Variants in SLC39A9 observed in about 807,000 individuals in gnomAD.
SLC39A9 encodes zinc transporter ZIP9.
Under a neutral mutation model 28.4 loss-of-function variants are expected in SLC39A9, and 14 were observed. That is an observed-to-expected ratio of 0.49 (90% CI 0.33 to 0.77). SLC39A9 has a LOEUF of 0.77. Ranked by LOEUF, SLC39A9 falls within the 30% of genes least tolerant of loss-of-function variation. The pLI is 0.02. For synonymous variants in SLC39A9, 119 were observed against 149.6 expected (o/e 0.80, Z 1.49); for missense variants, 283 against 381.1 (o/e 0.74, Z 2.14).
At chr14:69,452,030 C>T (rs1423471290) in intron 3 of SLC39A9, among the ~76,000 whole-genome samples, 1 of 151,962 alleles carries the variant, frequency 6.6e-6, no homozygotes, top group Non-Finnish European at 1.5e-5. Flanking sequence ...ATTTTTTATT[C>T]TTTCTTGAGG....
Position 69,461,441 on chromosome 14 carries a change from T to G in SLC39A9, c.*2848T>G. On this transcript the variant is annotated 3_prime_UTR_variant, in exon 7 of 7. Transcript: ENST00000336643. ...TTTTTTTTTAGCAAAGATTCTGCAC[T>G]GGAACGTAGACAGTTGGAAACAGTA... 1 of 1,321,306 alleles carries G rather than the reference T, an allele frequency of 7.6e-7. No homozygotes were observed. Among genetic ancestry groups the G allele is most frequent in the South Asian group, 1.9e-5 (1 of 51,298 alleles). The allele number at this position is 1,321,306 out of a possible 1,614,324, so 81.8% of individuals were successfully genotyped here.
chr14:69,404,000 G>A (rs745618446), intron 1 of SLC39A9, among the ~76,000 whole-genome samples: 3 of 152,054 alleles, frequency 2.0e-5, no homozygotes, highest in South Asian at 2.1e-4. Context: ...CCAACATTGC[G>A]CCATTGCACT....
At chr14:69,413,415 C>T (rs765364679) in intron 1 of SLC39A9, among the ~76,000 whole-genome samples, 19 of 151,974 alleles carry the variant, frequency 1.3e-4, no homozygotes, top group Non-Finnish European at 1.9e-4. Flanking sequence ...TTTAATTTTG[C>T]CATGTAAGGA....
At chr14:69,444,148 T>C (rs761553454) in intron 3 of SLC39A9, among the ~76,000 whole-genome samples, 45 of 152,034 alleles carry the variant, frequency 3.0e-4, no homozygotes, top group Admixed American at 3.9e-4. Flanking sequence ...ATCACACCAC[T>C]GCACTCCAGT....
At chr14:69,420,064 C>T (rs561256926) in intron 1 of SLC39A9, among the ~76,000 whole-genome samples, 34 of 152,058 alleles carry the variant, frequency 2.2e-4, no homozygotes, top group Non-Finnish European at 4.1e-4. Flanking sequence ...TTGCTTTGCC[C>T]GTTAGTTGGT....
In SLC39A9 at chr14:69,461,082, T is replaced by C; in HGVS notation, c.*2489T>C. On this transcript the variant is annotated 3_prime_UTR_variant, in exon 7 of 7. Transcript: ENST00000336643. ...TCTTTAGATGTGGATGCCTTAATGC[T>C]GTAACACATTTGAAAACATTGGCAA... The C allele has an allele frequency of 1.0e-6, 1 of 986,520 alleles. No homozygotes were observed. Among genetic ancestry groups the C allele is most frequent in the Non-Finnish European group, 1.2e-6 (1 of 830,714 alleles). 61.1% of individuals were successfully genotyped at this position (986,520 alleles called of 1,614,324 possible). A position where few individuals can be genotyped will look rare whatever the true frequency, so the allele number is the denominator to read the frequency against.
In SLC39A9 at chr14:69,461,692, T is replaced by C. The variant is rs781258128; in HGVS notation, c.*3099T>C. The C allele has an allele frequency of 2.6e-6, 4 of 1,535,998 alleles. 1 individual carries two copies. In the South Asian group the frequency reaches 3.6e-5, roughly 14 times the overall value. ...TGTCACTGCCTGGTTTTTCTCTTTT[T>C]CAAGGATTAGAACTAAGAGGACACA... On this transcript the variant is annotated 3_prime_UTR_variant, in exon 7 of 7. Transcript: ENST00000336643.
At chr14:69,419,679 G>C (rs892413467) in intron 1 of SLC39A9, among the ~76,000 whole-genome samples, 1 of 152,124 alleles carries the variant, frequency 6.6e-6, no homozygotes, top group Non-Finnish European at 1.5e-5. Flanking sequence ...ATGAATCCGG[G>C]TGCTCCTGTA....
chr14:69,403,286 A>T (rs548703753), intron 1 of SLC39A9, among the ~76,000 whole-genome samples: 1 of 152,278 alleles, frequency 6.6e-6, no homozygotes, highest in East Asian at 1.9e-4. Flanking sequence ...GAGAGCCTAT[A>T]TTACCTAGTA....
At chr14:69,436,909 GT>G (rs1446962504) in intron 2 of SLC39A9, among the ~76,000 whole-genome samples, 1 of 152,158 alleles carries the variant, frequency 6.6e-6, no homozygotes, top group East Asian at 1.9e-4. Flanking sequence ...GCATAACCAG[GT>G]TTCCCCCATA....
At chr14:69,428,104 C>G (rs949459587) in intron 2 of SLC39A9, among the ~76,000 whole-genome samples, 2 of 152,020 alleles carry the variant, frequency 1.3e-5, no homozygotes, top group Admixed American at 1.3e-4. Context: ...ATGGTGAAAC[C>G]CCATCTCTAC....
chr14:69,422,488 A>G (rs962302387), intron 1 of SLC39A9, among the ~76,000 whole-genome samples: 4 of 152,158 alleles, frequency 2.6e-5, no homozygotes, highest in African/African-American at 7.2e-5. Flanking sequence ...ATAGCACACT[A>G]TAGCCTTGAA....
At chr14:69,433,747 CTCTTCTCTTCTCTTG>C (rs1384960612) in intron 2 of SLC39A9, among the ~76,000 whole-genome samples, 1 of 151,956 alleles carries the variant, frequency 6.6e-6, no homozygotes, top group Non-Finnish European at 1.5e-5. Context: ...TTTGAGGTTT[CTCTTCTCTTCTCTTG>C]TCTTCTCTTC....
intron 1 of SLC39A9, among the ~76,000 whole-genome samples, chr14:69,404,901 G>A (rs1260146644): frequency 2.6e-5 from 4 of 152,080 alleles, no homozygotes; most frequent in Non-Finnish European, 5.9e-5. Flanking sequence ...TCTGAGACTG[G>A]GTAATTTATA....
intron 3 of SLC39A9, among the ~76,000 whole-genome samples, 174 bp downstream of exon 3, chr14:69,442,440 T>C (rs1885094184): frequency 6.6e-6 from 1 of 152,246 alleles, no homozygotes; most frequent in Non-Finnish European, 1.5e-5. Context: ...TTGTGGCATG[T>C]GGCGCAAAGA....
intron 1 of SLC39A9, among the ~76,000 whole-genome samples, chr14:69,402,346 T>A (rs1001765437): frequency 6.6e-6 from 1 of 152,218 alleles, no homozygotes; most frequent in Non-Finnish European, 1.5e-5. Flanking sequence ...TTGGACAAGC[T>A]TGATTTACAT....
intron 2 of SLC39A9, among the ~76,000 whole-genome samples, chr14:69,440,426 C>T (rs1884987246): frequency 6.6e-6 from 1 of 151,992 alleles, no homozygotes; most frequent in South Asian, 2.1e-4. Flanking sequence ...TCCACAAAAA[C>T]AATATAAAAA....
In SLC39A9 at chr14:69,459,368, A is replaced by C; in HGVS notation, c.*775A>C. 3.0e-6 allele frequency: 3 copies of C among 985,436 alleles called. No individual in the cohort carries two copies. Among genetic ancestry groups the C allele is most frequent in the Non-Finnish European group, 3.6e-6 (3 of 829,932 alleles). The allele number at this position is 985,436 out of a possible 1,614,324, so 61.0% of individuals were successfully genotyped here. On this transcript the variant is annotated 3_prime_UTR_variant, in exon 7 of 7. Coordinates refer to ENST00000336643, the MANE Select transcript of SLC39A9 (RefSeq NM_018375.5). ...TCTCCTTTGCAGAATACCTGTCTCC[A>C]CATTCCTAGAGAGGAGCCAAGTTCT...
Position 69,425,091 on chromosome 14 carries a change from CAG to C in SLC39A9, c.205+890_205+891del, listed in dbSNP as rs142778997. 8.3e-4 allele frequency among the ~76,000 whole-genome samples: 126 copies of C among 152,194 alleles called. 1 individual carries two copies. The highest frequency in any genetic ancestry group is 2.9e-3 in the African/African-American group (119 of 41,520). On this transcript the variant is annotated intron_variant, in intron 2 of 6. Coordinates refer to ENST00000336643, the MANE Select transcript of SLC39A9 (RefSeq NM_018375.5). ...ATTGCAGAAGTGTTGCAAGATAGGA[CAG>C]GGGCTGAGGAGTGGTCAGCTGCATT...
Sources: gnomAD v4.1 joint callset for allele counts (sites outside exome capture counted in the v4.1 genomes callset) on GRCh38, gnomAD v4.1.1 for gene constraint, MANE v1.5 for transcripts, NCBI Gene and HGNC (gene_info 2026-07-23, HGNC 2026-07-21) for gene names.